The following OTUD4 variants were observed in gnomAD, a reference collection of about 807,000 sequenced individuals.
OTUD4 encodes the protein OTU deubiquitinase 4.
In OTUD4, 24 loss-of-function variants were observed where a neutral mutation model predicts 130.4. The ratio of observed to expected loss-of-function variants is 0.18; its 90% confidence interval spans 0.13 to 0.26. The LOEUF (loss-of-function observed/expected upper bound fraction) is 0.26, where lower values mean the gene tolerates loss of function less well. Among genes scored for constraint, OTUD4 ranks in the 10% least tolerant of loss-of-function variants. The pLI is 1.00. For missense variants in OTUD4, 1,031 were observed against 1,329.4 expected (o/e 0.78, Z 3.49); for synonymous variants, 420 against 472.5 (o/e 0.89, Z 1.44).
intron 18 of OTUD4, 100 bp from the exon 19 acceptor site, chr4:145,141,739 C>A: frequency 1.9e-6 from 2 of 1,061,792 alleles, no homozygotes; most frequent in Non-Finnish European, 2.6e-6. Context: ...CTGATAAAGC[C>A]AATCTAAAGT....
chr4:145,155,821 T>TA (rs1751255993), intron 8 of OTUD4, 115 bp downstream of exon 8: 1 of 983,620 alleles, frequency 1.0e-6, no homozygotes, highest in Non-Finnish European at 1.5e-6. Flanking sequence ...AATTTCTGAG[T>TA]AGATGATCCT....
chr4:145,158,267 G>C (rs1023510551), intron 7 of OTUD4, among the ~76,000 whole-genome samples: 9 of 152,104 alleles, frequency 5.9e-5, no homozygotes, highest in Non-Finnish European at 8.8e-5. Context: ...GTGATCACAA[G>C]GTCAGGAGAT....
rs1168568625 is a variant in OTUD4, at chr4:145,133,693, T to TG, written c.*3736dup. On this transcript the variant is annotated 3_prime_UTR_variant, in exon 21 of 21. Transcript: ENST00000447906. ...TATATGCACACAGTTTTATATATAA[T>TG]GCAGCATCACACCATGTAGGGCATT... 6.6e-6 allele frequency: 1 copy of TG among 152,648 alleles called. No homozygotes were observed. Among genetic ancestry groups the TG allele is most frequent in the East Asian group, 1.9e-4 (1 of 5,200 alleles). 9.5% of individuals were successfully genotyped at this position (152,648 alleles called of 1,614,324 possible).
At position 145,135,423 on chromosome 4, in the gene OTUD4, T is replaced by C. The variant is rs1285258080; in HGVS notation, c.*2007A>G. The C allele has an allele frequency of 2.0e-5, 3 of 152,242 alleles. No homozygotes were observed. The highest frequency in any genetic ancestry group is 7.2e-5 in the African/African-American group (3 of 41,454). 9.4% of individuals were successfully genotyped at this position (152,242 alleles called of 1,614,324 possible). On this transcript the variant is annotated 3_prime_UTR_variant, in exon 21 of 21. Transcript: ENST00000447906. ...GAAGCAACAACTTATTTTGGACTCC[T>C]GAGATCAAACACATTGAACTTTCAA...
intron 3 of OTUD4, chr4:145,170,994 A>G: frequency 6.6e-6 from 1 of 152,226 alleles, no homozygotes; most frequent in South Asian, 2.1e-4. Context: ...GATCATGGAA[A>G]TAGGAACCTG....
chr4:145,179,935 C>T lies in OTUD4; in HGVS notation c.39G>A (p.Gln13=). ...CGTCCTCGCGGGGCCCCGCGCCGCCCTGGTCCCCGCCGTCGGGGACGCCGA... is the reference window on the plus strand; with the variant it reads ...CGTCCTCGCGGGGCCCCGCGCCGCCTTGGTCCCCGCCGTCGGGGACGCCGA... ...AAVGVPDGGD[Q]GGAGPREDAT... is the part of the protein sequence containing the mutation. The change falls in exon 1 of 21, where the codon CAG becomes CAA. Residue 13 remains glutamine, a synonymous_variant. Coordinates refer to ENST00000447906, the MANE Select transcript of OTUD4 (RefSeq NM_001366057.1). The T allele has an allele frequency of 2.0e-6, 3 of 1,523,908 alleles. No individual in the cohort carries two copies. The highest frequency in any genetic ancestry group is 2.6e-6 in the Non-Finnish European group (3 of 1,142,720). 94.4% of individuals were successfully genotyped at this position (1,523,908 alleles called of 1,614,324 possible). A position where few individuals can be genotyped will look rare whatever the true frequency, so the allele number is the denominator to read the frequency against.
At chr4:145,172,206 G>T (rs938197390) in intron 2 of OTUD4, among the ~76,000 whole-genome samples, 47 of 152,356 alleles carry the variant, frequency 3.1e-4, no homozygotes, top group African/African-American at 1.1e-3. Flanking sequence ...GCCATTCAAG[G>T]CCACTTCAGG....
At position 145,174,576 on chromosome 4, in the gene OTUD4, C is replaced by T. The variant is rs558000140; in HGVS notation, c.243+85G>A. 11 of 750,266 alleles carry T rather than the reference C, an allele frequency of 1.5e-5. No homozygotes were observed. In the South Asian group the frequency reaches 1.5e-4, roughly 10 times the overall value. 46.5% of individuals were successfully genotyped at this position (750,266 alleles called of 1,614,324 possible). On this transcript the variant is annotated intron_variant, in intron 2 of 20. Transcript: ENST00000447906. Reference sequence around the variant, plus strand: ...TTCATAACCCGCATTAAGATCCAGCCTGTGAAATTCTACTAGAACACTTCT... The same window carrying T: ...TTCATAACCCGCATTAAGATCCAGCTTGTGAAATTCTACTAGAACACTTCT...
At chr4:145,144,039 AC>A in intron 15 of OTUD4, 38 bp from the exon 16 acceptor site, 1 of 1,491,290 alleles carries the variant, frequency 6.7e-7, no homozygotes, top group Non-Finnish European at 9.3e-7. Flanking sequence ...AGCATAAGCC[AC>A]CAGTCATGTC....
chr4:145,148,184 C>A (rs1427893143), intron 13 of OTUD4, among the ~76,000 whole-genome samples: 1 of 152,168 alleles, frequency 6.6e-6, no homozygotes, highest in Non-Finnish European at 1.5e-5. Context: ...ATATGCTTCT[C>A]TATACCATAG....
chr4:145,157,145 C>A (rs1469947237), intron 7 of OTUD4, among the ~76,000 whole-genome samples: 3 of 151,826 alleles, frequency 2.0e-5, no homozygotes, highest in African/African-American at 7.3e-5. Flanking sequence ...CTGGTGACAA[C>A]AGATAAAAAC....
intron 13 of OTUD4, among the ~76,000 whole-genome samples, chr4:145,149,083 T>C (rs977782485): frequency 4.6e-5 from 7 of 152,164 alleles, no homozygotes; most frequent in African/African-American, 1.7e-4. Context: ...TATTTAGAAA[T>C]AGGGTCTTCT....
intron 13 of OTUD4, 71 bp from the exon 14 acceptor site, chr4:145,146,500 T>TAA: frequency 3.4e-6 from 3 of 888,816 alleles, no homozygotes; most frequent in South Asian, 3.4e-5. Flanking sequence ...AACATTCTTG[T>TAA]CAAAAAAAAA....
rs1313535095 is a variant in OTUD4 at position 145,136,066 on chromosome 4, C to A, written c.*1364G>T. On this transcript the variant is annotated 3_prime_UTR_variant, in exon 21 of 21. Transcript: ENST00000447906. ...TTACTACTATGTTATTTGCATAGCA[C>A]TCAAACTTCCTGATCAGAAGATAAT... 3.3e-5 allele frequency: 5 copies of A among 152,610 alleles called. No homozygotes were observed. The highest frequency in any genetic ancestry group is 9.7e-5 in the African/African-American group (4 of 41,438). 9.5% of individuals were successfully genotyped at this position (152,610 alleles called of 1,614,324 possible).
intron 4 of OTUD4, 34 bp downstream of exon 4, chr4:145,165,116 TC>T (rs746107949): frequency 8.1e-7 from 1 of 1,237,104 alleles, no homozygotes; most frequent in South Asian, 1.5e-5. Flanking sequence ...CCCACTGGTT[TC>T]ATTTTCTTTT....
At chr4:145,173,650 A>G (rs965458893) in intron 2 of OTUD4, among the ~76,000 whole-genome samples, 1 of 152,130 alleles carries the variant, frequency 6.6e-6, no homozygotes, top group African/African-American at 2.4e-5. Flanking sequence ...CAAGCCTATC[A>G]TTTGCAAAGT....
chr4:145,168,413 T>TAAAAAAAAAAAA (rs11432018), intron 3 of OTUD4, among the ~76,000 whole-genome samples: 2 of 122,836 alleles, frequency 1.6e-5, no homozygotes, highest in Non-Finnish European at 3.3e-5. Context: ...AATAAAAAAT[T>TAAAAAAAAAAAA]AAAAAAAAAA....
At chr4:145,162,606 A>G (rs759398842) in intron 6 of OTUD4, 34 bp downstream of exon 6, 4 of 1,054,822 alleles carry the variant, frequency 3.8e-6, no homozygotes, top group Non-Finnish European at 5.6e-6. Flanking sequence ...GTTTAGGAAT[A>G]TAATTTCCCA....
chr4:145,154,570 G>A (rs1027415095), intron 10 of OTUD4, among the ~76,000 whole-genome samples: 3 of 152,086 alleles, frequency 2.0e-5, no homozygotes, highest in Admixed American at 2.0e-4. Flanking sequence ...TTTTGTTTTT[G>A]TTTTTGAAAT....
Sources: gnomAD v4.1 joint callset for allele counts (sites outside exome capture counted in the v4.1 genomes callset) on GRCh38, gnomAD v4.1.1 for gene constraint, MANE v1.5 for transcripts, NCBI Gene and HGNC (gene_info 2026-07-23, HGNC 2026-07-21) for gene names.